ARHGEF5: variants seen among roughly 807,000 people sequenced by gnomAD.
The protein encoded by ARHGEF5 is Rho guanine nucleotide exchange factor (GEF) 5.
Under a neutral mutation model 104.0 loss-of-function variants are expected in ARHGEF5, and 11 were observed. The ratio of observed to expected loss-of-function variants is 0.11; its 90% CI spans 0.07 to 0.18. ARHGEF5 has a LOEUF of 0.18. Among genes scored for constraint, ARHGEF5 ranks in the 10% least tolerant of loss-of-function variants. ARHGEF5 has a pLI of 1.00. For synonymous variants in ARHGEF5, 60 were observed against 512.2 expected (o/e 0.12, Z 11.92); for missense variants, 165 against 1,335.4 (o/e 0.12, Z 13.66).
At chr7:144,357,195 C>T (rs1312541367) in intron 1 of ARHGEF5, among the ~76,000 whole-genome samples, 2 of 127,270 alleles carry the variant, frequency 1.6e-5, no homozygotes, top group Admixed American at 8.4e-5. Flanking sequence ...TACACAAACA[C>T]GTCACTCACA....
intron 1 of ARHGEF5, among the ~76,000 whole-genome samples, chr7:144,360,860 A>C (rs1393164220): frequency 6.9e-6 from 1 of 144,130 alleles, no homozygotes. Flanking sequence ...ATAATTGTAT[A>C]AATGCTACAA....
intron 1 of ARHGEF5, among the ~76,000 whole-genome samples, chr7:144,357,612 A>G (rs2053606394): frequency 6.7e-6 from 1 of 149,702 alleles, no homozygotes; most frequent in Non-Finnish European, 1.5e-5. Context: ...TCAAAAATAT[A>G]TATATGGCAC....
chr7:144,375,861 G>T (rs768509398), intron 12 of ARHGEF5, among the ~76,000 whole-genome samples, 186 bp downstream of exon 12: 432 of 151,708 alleles, frequency 2.8e-3, no homozygotes, highest in Middle Eastern at 3.4e-3. Context: ...GGAGATTGGG[G>T]TGGGAGAGGG....
chr7:144,378,426 C>A (rs1188385632), intron 13 of ARHGEF5, among the ~76,000 whole-genome samples: 1 of 152,170 alleles, frequency 6.6e-6, no homozygotes, highest in Non-Finnish European at 1.5e-5. Flanking sequence ...TTGGCATGAA[C>A]AAGCAGTCTT....
chr7:144,359,409 C>T (rs2053620988), intron 1 of ARHGEF5, among the ~76,000 whole-genome samples: 1 of 144,700 alleles, frequency 6.9e-6, no homozygotes. Flanking sequence ...CTATATTCTT[C>T]CGTCATTCAT....
At chr7:144,360,015 C>T (rs1587060300) in intron 1 of ARHGEF5, among the ~76,000 whole-genome samples, 3 of 125,796 alleles carry the variant, frequency 2.4e-5, no homozygotes, top group South Asian at 2.8e-4. Context: ...ATTTAGCAGA[C>T]GAGGTCAATA....
chr7:144,379,386 T>G (rs571611659), intron 14 of ARHGEF5, among the ~76,000 whole-genome samples: 1 of 152,040 alleles, frequency 6.6e-6, no homozygotes, highest in East Asian at 1.9e-4. Flanking sequence ...ATTTTTGTAT[T>G]TTTAGTAGAG....
intron 5 of ARHGEF5, among the ~76,000 whole-genome samples, chr7:144,370,651 A>G (rs2053716003): frequency 6.7e-6 from 1 of 149,062 alleles, no homozygotes; most frequent in Non-Finnish European, 1.5e-5. Flanking sequence ...TTTTTTGTAG[A>G]GACAGGGTCT....
intron 9 of ARHGEF5, 110 bp from the exon 10 acceptor site, chr7:144,373,084 GA>G: frequency 1.2e-5 from 9 of 747,574 alleles, no homozygotes; most frequent in Non-Finnish European, 2.0e-5. Flanking sequence ...TCCAGCCTGG[GA>G]AAAATGACTG....
intron 10 of ARHGEF5, among the ~76,000 whole-genome samples, chr7:144,374,123 T>G (rs1170318652): frequency 2.1e-5 from 2 of 94,780 alleles, no homozygotes; most frequent in Non-Finnish European, 4.6e-5. Context: ...ATTATAGGCG[T>G]GAGCCACCAC....
At chr7:144,357,652 G>A (rs1304837334) in intron 1 of ARHGEF5, among the ~76,000 whole-genome samples, 1 of 151,556 alleles carries the variant, frequency 6.6e-6, no homozygotes, top group African/African-American at 2.4e-5. Flanking sequence ...TTGGCAGTTT[G>A]ATTGGGGAGG....
intron 12 of ARHGEF5, among the ~76,000 whole-genome samples, 169 bp from the exon 13 acceptor site, chr7:144,376,951 C>A (rs1211371933): frequency 9.3e-5 from 12 of 128,776 alleles, no homozygotes; most frequent in African/African-American, 2.4e-4. Flanking sequence ...GACACATTCA[C>A]ATATAGTTCA....
chr7:144,378,734 C>G (rs775859756), intron 13 of ARHGEF5, 28 bp from the exon 14 acceptor site: 5 of 1,601,320 alleles, frequency 3.1e-6, no homozygotes, highest in Non-Finnish European at 4.3e-6. Flanking sequence ...CCTCTCCTAA[C>G]CTCTCTTCAC....
rs201067947 is a variant in ARHGEF5 at position 144,378,765 on chromosome 7, C to A, written c.4535C>A (p.Ser1512Tyr). The change falls in exon 14 of 15, where the codon TCC becomes TAC. Residue 1512 changes from serine (S) to tyrosine (Y), a missense_variant. Ser to Tyr is a moderately radical substitution (Grantham distance 144). Coordinates refer to ENST00000056217, the MANE Select transcript of ARHGEF5 (RefSeq NM_005435.4). Reference sequence around the variant, plus strand: ...TTCACACTCTTCTCTTCCAAAGACTCCCCCCAGGTACAGTGCCTTCGAGCC... The same window carrying A: ...TTCACACTCTTCTCTTCCAAAGACTACCCCCAGGTACAGTGCCTTCGAGCC... ...EELDLLECYN[S>Y]PQVQCLRAYK... 1.2e-6 allele frequency: 2 copies of A among 1,612,432 alleles called. No individual in the cohort carries two copies. The highest frequency in any genetic ancestry group is 1.7e-6 in the Non-Finnish European group (2 of 1,178,846).
intron 13 of ARHGEF5, among the ~76,000 whole-genome samples, chr7:144,377,791 A>G (rs769841423): frequency 1.3e-5 from 2 of 152,186 alleles, no homozygotes; most frequent in Non-Finnish European, 2.9e-5. Context: ...GTGACTGAAA[A>G]GAACAAACAA....
At chr7:144,358,792 TG>T (rs1563113840) in intron 1 of ARHGEF5, among the ~76,000 whole-genome samples, 158 of 133,026 alleles carry the variant, frequency 1.2e-3, no homozygotes, top group African/African-American at 4.2e-3. Flanking sequence ...TGTGTGTGTG[TG>T]TGTGTGTGTA....
intron 13 of ARHGEF5, among the ~76,000 whole-genome samples, chr7:144,377,415 G>A (rs1443374504): frequency 6.6e-6 from 1 of 152,132 alleles, no homozygotes; most frequent in East Asian, 1.9e-4. Flanking sequence ...CCTTCCTTGG[G>A]CAATAGTTTG....
intron 10 of ARHGEF5, among the ~76,000 whole-genome samples, chr7:144,373,579 AG>A (rs1324107338): frequency 3.0e-4 from 32 of 105,896 alleles, no homozygotes; most frequent in African/African-American, 1.2e-3. Flanking sequence ...AAACTCTGGA[AG>A]GAGAACAAGA....
chr7:144,361,012 G>C (rs1375579169), intron 1 of ARHGEF5, among the ~76,000 whole-genome samples: 1 of 145,194 alleles, frequency 6.9e-6, no homozygotes, highest in Admixed American at 6.9e-5. Flanking sequence ...GGTGGATAAC[G>C]AGGTCAGGAG....
Sources: gnomAD v4.1 joint callset for allele counts (sites outside exome capture counted in the v4.1 genomes callset) on GRCh38, gnomAD v4.1.1 for gene constraint, MANE v1.5 for transcripts, NCBI Gene and HGNC (gene_info 2026-07-23, HGNC 2026-07-21) for gene names.